MAPK10: variants seen among roughly 807,000 people sequenced by gnomAD.
The protein encoded by MAPK10 is mitogen-activated protein kinase 10.
Under a neutral mutation model 59.3 loss-of-function variants are expected in MAPK10, and 25 were observed. The ratio of observed to expected loss-of-function variants is 0.42; its 90% CI spans 0.31 to 0.59. The LOEUF (loss-of-function observed/expected upper bound fraction) is 0.59, where lower values mean the gene tolerates loss of function less well. Among genes scored for constraint, MAPK10 ranks in the 20% least tolerant of loss-of-function variants. MAPK10 has a pLI of 0.15. For synonymous variants in MAPK10, 190 were observed against 200.5 expected, an observed-to-expected ratio of 0.95 and a Z score of 0.44; for missense variants, 351 against 568.9, an observed-to-expected ratio of 0.62 and a Z score of 3.90.
intron 2 of MAPK10, among the ~76,000 whole-genome samples, chr4:86,245,314 T>C (rs1259818121): frequency 6.7e-6 from 1 of 149,638 alleles, no homozygotes; most frequent in East Asian, 1.9e-4. Flanking sequence ...AGTGCCAATT[T>C]TTTTTTTTTT....
intron 2 of MAPK10, among the ~76,000 whole-genome samples, chr4:86,224,075 G>A (rs78118694): frequency 0.085 from 12,895 of 151,994 alleles, 1,199 homozygotes; most frequent in African/African-American, 0.23. Context: ...TTTATGATCC[G>A]AAATATCAAA....
chr4:86,527,031 G>A (rs1757511986), intron 1 of MAPK10, among the ~76,000 whole-genome samples: 1 of 152,052 alleles, frequency 6.6e-6, no homozygotes, highest in Admixed American at 6.6e-5. Flanking sequence ...AAAAGTGGCT[G>A]GGCACAGTAG....
At chr4:86,262,409 G>A (rs574827159) in intron 2 of MAPK10, among the ~76,000 whole-genome samples, 70 of 152,186 alleles carry the variant, frequency 4.6e-4, no homozygotes, top group Middle Eastern at 3.4e-3. Flanking sequence ...TGTTGTAGCC[G>A]CATAAAGCAG....
At chr4:86,225,892 A>T (rs1447788873) in intron 2 of MAPK10, among the ~76,000 whole-genome samples, 1 of 152,190 alleles carries the variant, frequency 6.6e-6, no homozygotes, top group Non-Finnish European at 1.5e-5. Flanking sequence ...CCCCTAATAG[A>T]TATGTAGATT....
intron 9 of MAPK10, chr4:86,079,665 CAAAG>C (rs2050227977): frequency 6.6e-6 from 1 of 152,028 alleles, no homozygotes; most frequent in Admixed American, 6.6e-5. Flanking sequence ...TAATTATAAA[CAAAG>C]AAGCTGATAC....
chr4:86,297,681 T>C (rs2095392762), intron 2 of MAPK10, among the ~76,000 whole-genome samples: 1 of 152,222 alleles, frequency 6.6e-6, no homozygotes, highest in South Asian at 2.1e-4. Context: ...GAGAATTGTT[T>C]TCCTATAATT....
chr4:86,558,397 T>C (rs1760426345), intron 1 of MAPK10, among the ~76,000 whole-genome samples: 1 of 152,196 alleles, frequency 6.6e-6, no homozygotes, highest in Non-Finnish European at 1.5e-5. Flanking sequence ...TGGGCCTTAA[T>C]TAATTCTCAC....
chr4:86,021,220 A>T (rs1746582094), intron 13 of MAPK10, among the ~76,000 whole-genome samples: 1 of 151,790 alleles, frequency 6.6e-6, no homozygotes, highest in Admixed American at 6.6e-5. Context: ...CTAGATACAC[A>T]GTGCCGATTG....
intron 3 of MAPK10, among the ~76,000 whole-genome samples, chr4:86,189,339 T>A (rs1027721897): frequency 2.6e-5 from 4 of 152,234 alleles, no homozygotes; most frequent in Admixed American, 2.6e-4. Context: ...TTAGGCAGTA[T>A]GGCCATTTTC....
Position 86,101,277 on chromosome 4 carries a change from T to A in MAPK10, c.565-60A>T, listed in dbSNP as rs576156892. The A allele has an allele frequency of 1.9e-4, 258 of 1,370,558 alleles. 1 individual carries two copies. The highest frequency in any genetic ancestry group is 1.6e-3 in the Middle Eastern group (9 of 5,522). The allele number at this position is 1,370,558 out of a possible 1,614,324, so 84.9% of individuals were successfully genotyped here. A position where few individuals can be genotyped will look rare whatever the true frequency, so the allele number is the denominator to read the frequency against. On this transcript the variant is annotated intron_variant, in intron 7 of 13. Coordinates refer to ENST00000641462, the MANE Select transcript of MAPK10 (RefSeq NM_138982.4). ...AGTATCAAGTGAAATGTTATTTCCATTGACTCAATCAACATAGCCATTTTG... is the reference window on the plus strand; with the variant it reads ...AGTATCAAGTGAAATGTTATTTCCAATGACTCAATCAACATAGCCATTTTG...
intron 1 of MAPK10, among the ~76,000 whole-genome samples, chr4:86,540,907 A>C (rs561900559): frequency 6.6e-6 from 1 of 152,320 alleles, no homozygotes; most frequent in South Asian, 2.1e-4. Context: ...GTTTGAGACC[A>C]GCCTGGGCAA....
intron 3 of MAPK10, among the ~76,000 whole-genome samples, chr4:86,189,555 T>C (rs2079142521): frequency 6.6e-6 from 1 of 152,186 alleles, no homozygotes; most frequent in East Asian, 1.9e-4. Context: ...TGTTTGTCTA[T>C]TATTGGTATA....
At chr4:86,487,392 GAA>G (rs1430593563) in intron 1 of MAPK10, among the ~76,000 whole-genome samples, 1 of 121,444 alleles carries the variant, frequency 8.2e-6, no homozygotes, top group Non-Finnish European at 1.9e-5. Flanking sequence ...TGTAGAGAGA[GAA>G]AGAAGGAGTA....
At chr4:86,495,489 C>G (rs910062712) in intron 1 of MAPK10, among the ~76,000 whole-genome samples, 1 of 152,114 alleles carries the variant, frequency 6.6e-6, no homozygotes, top group Admixed American at 6.5e-5. Context: ...AATAGCTTGT[C>G]TTTATAACAA....
rs184732972 is a variant in MAPK10, at chr4:86,535,471, T to C, written c.-263+58439A>G. Among the ~76,000 whole-genome samples, 43 of 152,310 alleles carry C rather than the reference T, an allele frequency of 2.8e-4. 2 individuals carry two copies. Among genetic ancestry groups the C allele is most frequent in the Admixed American group, 1.9e-3 (29 of 15,300 alleles). On this transcript the variant is annotated intron_variant, in intron 1 of 4. Coordinates refer to the MAPK10 transcript ENST00000502302. ...TCCCAGCTGGACTGCGGTGTCGCTA[T>C]TGTAGCTCACTGCAGCCCTAAACTC... is the stretch of plus-strand genomic sequence containing the variant.
intron 2 of MAPK10, among the ~76,000 whole-genome samples, chr4:86,214,385 G>A (rs2086759772): frequency 6.6e-6 from 1 of 151,442 alleles, no homozygotes; most frequent in South Asian, 2.1e-4. Context: ...TTCAGCCAGA[G>A]CAATTAGGGA....
intron 2 of MAPK10, chr4:86,326,700 AT>A (rs1578292308): frequency 6.6e-6 from 1 of 152,222 alleles, no homozygotes; most frequent in East Asian, 1.9e-4. Flanking sequence ...TGGGAAACAA[AT>A]TAAGCTATAA....
intron 1 of MAPK10, among the ~76,000 whole-genome samples, chr4:86,396,198 T>A (rs899165027): frequency 6.6e-6 from 1 of 152,066 alleles, no homozygotes; most frequent in African/African-American, 2.4e-5. Flanking sequence ...ATACAAAAAA[T>A]TAGCCAGGCC....
chr4:86,202,798 C>T (rs2082937390), intron 2 of MAPK10, among the ~76,000 whole-genome samples: 1 of 151,958 alleles, frequency 6.6e-6, no homozygotes, highest in Non-Finnish European at 1.5e-5. Context: ...GAAAAGCAGG[C>T]ATCCTGATCT....
Sources: gnomAD v4.1 joint callset for allele counts (sites outside exome capture counted in the v4.1 genomes callset) on GRCh38, gnomAD v4.1.1 for gene constraint, MANE v1.5 for transcripts, NCBI Gene and HGNC (gene_info 2026-07-23, HGNC 2026-07-21) for gene names.